Variants in PDE1C observed in about 807,000 individuals in gnomAD.
The protein encoded by PDE1C is dual specificity calcium/calmodulin-dependent 3',5'-cyclic nucleotide phosphodiesterase 1C.
In PDE1C, 62 loss-of-function variants were observed where a neutral mutation model predicts 93.1. That is an observed-to-expected ratio of 0.67 (90% confidence interval 0.54 to 0.82). The LOEUF (loss-of-function observed/expected upper bound fraction) is 0.82, where lower values mean the gene tolerates loss of function less well. Ranked by LOEUF, PDE1C falls within the 40% of genes least tolerant of loss-of-function variation. The pLI is 0.00. For missense variants in PDE1C, 742 were observed against 884.6 expected (o/e 0.84, Z 2.04); for synonymous variants, 325 against 310.1 (o/e 1.05, Z -0.50).
At chr7:32,134,950 G>C (rs1451631032) in intron 3 of PDE1C, among the ~76,000 whole-genome samples, 1 of 152,156 alleles carries the variant, frequency 6.6e-6, no homozygotes, top group Non-Finnish European at 1.5e-5. Context: ...ATAGTTAACT[G>C]TGTAGCATGC....
At chr7:32,169,275 A>G (rs73104527) in intron 3 of PDE1C, among the ~76,000 whole-genome samples, 42,483 of 152,086 alleles carry the variant, frequency 0.28, 6,107 homozygotes, top group East Asian at 0.44. Flanking sequence ...AAGATGCAAG[A>G]CTAAACAATG....
chr7:31,738,366 T>C, the PDE1C span, among the ~76,000 whole-genome samples: 1 of 152,160 alleles, frequency 6.6e-6, no homozygotes, highest in African/African-American at 2.4e-5. Context: ...GCAAGTCACA[T>C]CTTCACGGTG....
At position 32,254,135 on chromosome 7, in the gene PDE1C, A is replaced by C. The variant is rs1038093908; in HGVS notation, c.85+44516T>G. Among the ~76,000 whole-genome samples the C allele has an allele frequency of 2.0e-5, 3 of 152,210 alleles. No homozygotes were observed. The South Asian group carries it at 6.2e-4, about 32-fold the overall frequency. ...GAGGATCTGGACTGGGCTAGACTCCAAGAGTACATTTGAGGACAGGTTATT... is the reference window on the plus strand; with the variant it reads ...GAGGATCTGGACTGGGCTAGACTCCCAGAGTACATTTGAGGACAGGTTATT... On this transcript the variant is annotated intron_variant, in intron 1 of 18. Transcript: ENST00000396193.
rs189549570 is a variant in PDE1C, at chr7:32,251,085, G to A, written c.86-41546C>T. 7.0e-4 allele frequency among the ~76,000 whole-genome samples: 107 copies of A among 152,240 alleles called. 1 individual carries two copies. The highest frequency in any genetic ancestry group is 3.4e-3 in the Middle Eastern group (1 of 292). On this transcript the variant is annotated intron_variant, in intron 1 of 18. Transcript: ENST00000396193. ...CGTGCACAAGCACAAGCGCGCGTGC[G>A]CACACACACACAAGGCTAATGCTAA...
In PDE1C at chr7:31,767,020, C is replaced by A. The variant is rs77025648; in HGVS notation, c.1960+8644G>T. Among the ~76,000 whole-genome samples the A allele has an allele frequency of 2.2e-3, 341 of 152,172 alleles. 8 individuals carry two copies. In the East Asian group the frequency reaches 0.057, roughly 25 times the overall value. On this transcript the variant is annotated intron_variant, in intron 17 of 17. Coordinates refer to ENST00000396191, the MANE Select transcript of PDE1C (RefSeq NM_001191057.4). Reference sequence around the variant, plus strand: ...TGCCATCTCTTAAAAACAAGATAGACCTGGATTTTTTCTTTCTTATCTAAT... The same window carrying A: ...TGCCATCTCTTAAAAACAAGATAGAACTGGATTTTTTCTTTCTTATCTAAT...
At chr7:31,792,437 C>G (rs897460488) in intron 16 of PDE1C, among the ~76,000 whole-genome samples, 4 of 151,952 alleles carry the variant, frequency 2.6e-5, no homozygotes, top group Non-Finnish European at 4.4e-5. Context: ...TTCCCTCCAC[C>G]CTTTTTCTAA....
At chr7:32,348,988 C>T (rs1303124393) in intron 1 of PDE1C, among the ~76,000 whole-genome samples, 2 of 152,200 alleles carry the variant, frequency 1.3e-5, no homozygotes, top group East Asian at 1.9e-4. Context: ...TAAGACTGCT[C>T]CTTGAAGAAG....
chr7:32,123,449 T>C (rs1024956430), intron 3 of PDE1C, among the ~76,000 whole-genome samples: 2 of 152,060 alleles, frequency 1.3e-5, no homozygotes, highest in African/African-American at 4.8e-5. Flanking sequence ...TGAACATCAA[T>C]GTGAAAACCT....
At chr7:32,016,232 T>C (rs964140531) in intron 2 of PDE1C, among the ~76,000 whole-genome samples, 3 of 152,202 alleles carry the variant, frequency 2.0e-5, no homozygotes, top group African/African-American at 7.2e-5. Context: ...CTGCCAGACC[T>C]ATAACACTGC....
the PDE1C span, chr7:31,707,253 C>T: frequency 5.1e-4 from 815 of 1,613,762 alleles, 10 homozygotes; most frequent in Admixed American, 7.8e-4. Context: ...TGGAAGATGA[C>T]GAAAAGGATG....
chr7:32,225,855 G>A (rs1807221639), intron 1 of PDE1C, among the ~76,000 whole-genome samples: 1 of 152,064 alleles, frequency 6.6e-6, no homozygotes, highest in African/African-American at 2.4e-5. Flanking sequence ...GTCAGGAGAT[G>A]AAGACCATCC....
intron 16 of PDE1C, among the ~76,000 whole-genome samples, chr7:31,804,198 G>T (rs2128698421): frequency 6.6e-6 from 1 of 151,932 alleles, no homozygotes; most frequent in African/African-American, 2.4e-5. Flanking sequence ...TCCCTTTTAT[G>T]TCTTGCTTTT....
intron 2 of PDE1C, among the ~76,000 whole-genome samples, chr7:31,886,132 A>C (rs575450743): frequency 1.3e-5 from 2 of 152,148 alleles, no homozygotes; most frequent in Non-Finnish European, 2.9e-5. Flanking sequence ...GTCCCAATGG[A>C]TCATGAGCCC....
intron 2 of PDE1C, among the ~76,000 whole-genome samples, chr7:31,916,819 T>G (rs1399773919): frequency 6.6e-6 from 1 of 152,172 alleles, no homozygotes; most frequent in Non-Finnish European, 1.5e-5. Flanking sequence ...TCAGATCACC[T>G]ATCATGACAG....
intron 1 of PDE1C, among the ~76,000 whole-genome samples, chr7:32,315,720 G>GC (rs1783155139): frequency 6.6e-6 from 1 of 152,168 alleles, no homozygotes; most frequent in Non-Finnish European, 1.5e-5. Context: ...ATTTTGGCCG[G>GC]CGTGGTGGCT....
At chr7:31,913,862 C>T (rs1426585234) in intron 2 of PDE1C, among the ~76,000 whole-genome samples, 1 of 152,164 alleles carries the variant, frequency 6.6e-6, no homozygotes. Context: ...GCACAAAGAA[C>T]AAAGTTTTTC....
chr7:32,192,263 G>A (rs1036764133), intron 2 of PDE1C, among the ~76,000 whole-genome samples: 1 of 152,060 alleles, frequency 6.6e-6, no homozygotes. Context: ...ATATTTTTGT[G>A]TCAAGTCCAT....
intron 3 of PDE1C, among the ~76,000 whole-genome samples, chr7:32,118,898 G>A (rs1469672865): frequency 6.6e-6 from 1 of 152,160 alleles, no homozygotes; most frequent in Non-Finnish European, 1.5e-5. Context: ...TAGATCATTT[G>A]TGATACTGTG....
At chr7:32,107,174 A>G (rs1798365618) in intron 3 of PDE1C, among the ~76,000 whole-genome samples, 5 of 151,762 alleles carry the variant, frequency 3.3e-5, no homozygotes, top group South Asian at 4.2e-4. Flanking sequence ...AGAACAGAAT[A>G]TACAAGAACC....
Sources: allele counts gnomAD v4.1 joint callset (sites outside exome capture counted in the v4.1 genomes callset), GRCh38; gene constraint gnomAD v4.1.1; transcripts MANE v1.5; gene names NCBI Gene and HGNC (gene_info 2026-07-23, HGNC 2026-07-21).